SLC12A3: variants seen among roughly 807,000 people sequenced by gnomAD.
SLC12A3 encodes Na-Cl cotransporter.
SLC12A3 carries 104 observed loss-of-function variants against 121.0 expected under a neutral mutation model. The observed-to-expected ratio is 0.86, with a 90% CI of 0.73 to 1.01. The LOEUF (loss-of-function observed/expected upper bound fraction) is 1.01, where lower values mean the gene tolerates loss of function less well. SLC12A3 is among the 50% of genes least tolerant of loss of function. The pLI is 0.00. For missense variants in SLC12A3, 1,328 were observed against 1,356.3 expected, an observed-to-expected ratio of 0.98 and a Z score of 0.33; for synonymous variants, 536 against 533.4, an observed-to-expected ratio of 1.00 and a Z score of -0.07.
chr16:56,887,772 T>TTTTATATATATATATATATATA lies in SLC12A3; in HGVS notation c.2179-152_2179-151insTTATATATATATATATATATAT, dbSNP rs796502149. Among the ~76,000 whole-genome samples, 57 of 59,898 alleles carry TTTTATATATATATATATATATA rather than the reference T, an allele frequency of 9.5e-4. 9 individuals are homozygous for TTTTATATATATATATATATATA. The highest frequency in any genetic ancestry group is 1.2e-3 in the Non-Finnish European group (40 of 34,688). The allele number at this position is 59,898 out of a possible 152,430, so 39.3% of individuals were successfully genotyped here. On this transcript the variant is annotated intron_variant, in intron 17 of 25. Transcript: ENST00000563236. Reference sequence around the variant, plus strand: ...TTGTGCAAAACAAAAATTTTTAAGATTATATATATATATATATATATATAT... The same window carrying TTTTATATATATATATATATATA: ...TTGTGCAAAACAAAAATTTTTAAGATTTTATATATATATATATATATATATATATATATATATATATATATAT...
intron 12 of SLC12A3, among the ~76,000 whole-genome samples, chr16:56,881,893 A>G (rs1286399058): frequency 6.6e-6 from 1 of 151,916 alleles, no homozygotes; most frequent in Non-Finnish European, 1.5e-5. Context: ...TACTAAAAAT[A>G]CAAAAATTAG....
rs1298842401 is a variant in SLC12A3, at chr16:56,913,822, TAGG to T, written c.*420_*422del. 2 of 303,196 alleles carry T rather than the reference TAGG, an allele frequency of 6.6e-6. No homozygotes were observed. Among genetic ancestry groups the T allele is most frequent in the African/African-American group, 2.2e-5 (1 of 45,770 alleles). 18.8% of individuals were successfully genotyped at this position (303,196 alleles called of 1,614,324 possible). A position where few individuals can be genotyped will look rare whatever the true frequency, so the allele number is the denominator to read the frequency against. ...CTAAATCATGCCCTGCTTCCTCCAA[TAGG>T]AGAATGGGAGCCTCACCTGTAGGAC... On this transcript the variant is annotated 3_prime_UTR_variant, in exon 26 of 26. Transcript: ENST00000563236.
At chr16:56,891,232 T>C (rs1204085557) in intron 19 of SLC12A3, among the ~76,000 whole-genome samples, 1 of 151,452 alleles carries the variant, frequency 6.6e-6, no homozygotes, top group Non-Finnish European at 1.5e-5. Flanking sequence ...ATTAACCAGG[T>C]GTGGTGGCAC....
intron 25 of SLC12A3, among the ~76,000 whole-genome samples, chr16:56,908,445 G>A (rs1304311601): frequency 6.6e-6 from 1 of 152,052 alleles, no homozygotes; most frequent in Non-Finnish European, 1.5e-5. Context: ...GTGCCCAGCT[G>A]CAGATAGTGA....
intron 14 of SLC12A3, among the ~76,000 whole-genome samples, chr16:56,884,971 C>T (rs909415383): frequency 2.6e-5 from 4 of 152,188 alleles, no homozygotes; most frequent in African/African-American, 7.2e-5. Context: ...TTCACCATGT[C>T]GGCCAGGCTG....
intron 22 of SLC12A3, among the ~76,000 whole-genome samples, chr16:56,896,580 C>G (rs991251819): frequency 1.3e-5 from 2 of 151,052 alleles, no homozygotes; most frequent in African/African-American, 4.9e-5. Context: ...GAGCCCATCT[C>G]TACCAAAAAA....
At chr16:56,866,345 C>A (rs1252768827) in intron 1 of SLC12A3, among the ~76,000 whole-genome samples, 1 of 152,154 alleles carries the variant, frequency 6.6e-6, no homozygotes, top group Non-Finnish European at 1.5e-5. Flanking sequence ...TTTCTCCACC[C>A]CAGAGCAAAC....
intron 12 of SLC12A3, among the ~76,000 whole-genome samples, chr16:56,881,952 G>C (rs536921099): frequency 6.6e-6 from 1 of 151,958 alleles, no homozygotes. Context: ...GGGAGGCTGA[G>C]GCAGGAGAAT....
intron 19 of SLC12A3, 35 bp from the exon 20 acceptor site, chr16:56,892,048 A>T (rs776933602): frequency 6.4e-7 from 1 of 1,552,500 alleles, no homozygotes; most frequent in Non-Finnish European, 8.9e-7. Context: ...TCAGACAAGG[A>T]GAGCCTGTGA....
intron 25 of SLC12A3, chr16:56,907,035 A>G (rs2055617135): frequency 4.9e-6 from 1 of 205,270 alleles, no homozygotes; most frequent in African/African-American, 2.3e-5. Context: ...TCACATGAAA[A>G]AAAGATGCCC....
chr16:56,880,617 C>T (rs1439900163), intron 12 of SLC12A3, among the ~76,000 whole-genome samples: 1 of 152,178 alleles, frequency 6.6e-6, no homozygotes, highest in Non-Finnish European at 1.5e-5. Context: ...GAGCATGGGA[C>T]AAGCTGACTG....
At chr16:56,904,611 G>A (rs184351931) in intron 25 of SLC12A3, 149 bp downstream of exon 25, 99 of 750,504 alleles carry the variant, frequency 1.3e-4, no homozygotes, top group Middle Eastern at 3.7e-4. Flanking sequence ...TAGCCCTGGC[G>A]ATTCTTAGCA....
chr16:56,903,673 C>G (rs1251953567), intron 24 of SLC12A3, among the ~76,000 whole-genome samples: 1 of 152,196 alleles, frequency 6.6e-6, no homozygotes, highest in East Asian at 1.9e-4. Flanking sequence ...GGCATCCGTC[C>G]ACGATCAGTT....
intron 22 of SLC12A3, among the ~76,000 whole-genome samples, chr16:56,896,953 A>G (rs979902884): frequency 2.6e-5 from 4 of 152,036 alleles, no homozygotes; most frequent in African/African-American, 9.7e-5. Context: ...TTAGCTTGGC[A>G]TGGTAGCATG....
At position 56,902,762 on chromosome 16, in the gene SLC12A3, C is replaced by T. The variant is rs563657696; in HGVS notation, c.2856+254C>T. On this transcript the variant is annotated intron_variant, in intron 24 of 25. Coordinates refer to ENST00000563236, the MANE Select transcript of SLC12A3 (RefSeq NM_001126108.2). ...AGCTCTGGCAGTGGGCTTGACTGCCCGGAGTCCTCCTCCTCCTCCTCCTCC... is the reference window on the plus strand; with the variant it reads ...AGCTCTGGCAGTGGGCTTGACTGCCTGGAGTCCTCCTCCTCCTCCTCCTCC... Among the ~76,000 whole-genome samples the T allele has an allele frequency of 7.6e-5, 11 of 144,906 alleles. No individual in the cohort carries two copies. In the East Asian group the frequency reaches 1.5e-3, roughly 20 times the overall value.
intron 25 of SLC12A3, chr16:56,906,694 T>G (rs2055612521): frequency 1.9e-6 from 1 of 530,720 alleles, no homozygotes; most frequent in African/African-American, 2.0e-5. Flanking sequence ...ACACTGGATA[T>G]CATCTTTGCA....
chr16:56,903,458 A>G (rs1268846079), intron 24 of SLC12A3, among the ~76,000 whole-genome samples: 2 of 152,120 alleles, frequency 1.3e-5, no homozygotes, highest in Non-Finnish European at 2.9e-5. Flanking sequence ...CAACCTCTGG[A>G]GACATTTTTG....
At chr16:56,912,489 A>G (rs2055699318) in intron 25 of SLC12A3, among the ~76,000 whole-genome samples, 1 of 152,180 alleles carries the variant, frequency 6.6e-6, no homozygotes, top group Non-Finnish European at 1.5e-5. Context: ...GCTGAGCTGG[A>G]CAATGAATGA....
chr16:56,895,192 A>T (rs1473040039), intron 22 of SLC12A3, among the ~76,000 whole-genome samples: 16 of 126,664 alleles, frequency 1.3e-4, no homozygotes, highest in Admixed American at 3.3e-4. Flanking sequence ...ATATATTTTA[A>T]TTTTTTTTTT....
Sources: gnomAD v4.1 joint callset for allele counts (sites outside exome capture counted in the v4.1 genomes callset) on GRCh38, gnomAD v4.1.1 for gene constraint, MANE v1.5 for transcripts, NCBI Gene and HGNC (gene_info 2026-07-23, HGNC 2026-07-21) for gene names.